RIMKLA: variants seen among roughly 807,000 people sequenced by gnomAD.
RIMKLA encodes the protein ribosomal modification protein rimK like family member A.
RIMKLA carries 14 observed loss-of-function variants against 32.7 expected under a neutral mutation model. The ratio of observed to expected loss-of-function variants is 0.43; its 90% CI spans 0.28 to 0.67. RIMKLA has a LOEUF of 0.67. RIMKLA is among the 30% of genes least tolerant of loss of function. RIMKLA has a pLI of 0.18. For synonymous variants in RIMKLA, 176 were observed against 204.1 expected, an observed-to-expected ratio of 0.86 and a Z score of 1.18; for missense variants, 410 against 519.0, an observed-to-expected ratio of 0.79 and a Z score of 2.04.
At position 42,416,330 on chromosome 1, in the gene RIMKLA, G is replaced by A. The variant is rs1041234147; in HGVS notation, c.*1356G>A. The A allele has an allele frequency of 6.6e-6, 1 of 152,052 alleles. No homozygotes were observed. The highest frequency in any genetic ancestry group is 1.5e-5 in the Non-Finnish European group (1 of 68,006). 9.4% of individuals were successfully genotyped at this position (152,052 alleles called of 1,614,324 possible). The stretch of plus-strand genomic sequence containing the variant: ...GTTGCATGTGCCAAGAACACTTAGG[G>A]TTCCCCTTTGGGATTACCTTTGAAG... On this transcript the variant is annotated 3_prime_UTR_variant, in exon 5 of 5. Coordinates refer to ENST00000431473, the MANE Select transcript of RIMKLA (RefSeq NM_173642.4).
chr1:42,400,929 T>C (rs1643091495), intron 2 of RIMKLA, among the ~76,000 whole-genome samples: 1 of 152,140 alleles, frequency 6.6e-6, no homozygotes, highest in Non-Finnish European at 1.5e-5. Flanking sequence ...GTTAAAATGG[T>C]ATATTTTATG....
At chr1:42,411,155 C>G (rs2148395119) in intron 4 of RIMKLA, among the ~76,000 whole-genome samples, 1 of 152,138 alleles carries the variant, frequency 6.6e-6, no homozygotes, top group Middle Eastern at 3.4e-3. Context: ...TAAAGTGAGA[C>G]CCCATCTCTA....
intron 3 of RIMKLA, among the ~76,000 whole-genome samples, chr1:42,407,033 G>A (rs1309068477): frequency 6.6e-6 from 1 of 151,872 alleles, no homozygotes; most frequent in Non-Finnish European, 1.5e-5. Context: ...AGCCTCCCAA[G>A]TAGCTGGGAC....
chr1:42,410,236 G>A (rs1570329385), intron 4 of RIMKLA, 49 bp downstream of exon 4: 1 of 1,494,882 alleles, frequency 6.7e-7, no homozygotes, highest in Non-Finnish European at 9.3e-7. Context: ...GACCCATTCA[G>A]CAAATGTATA....
chr1:42,414,378 G>T, intron 4 of RIMKLA, 106 bp from the exon 5 acceptor site: 2 of 1,181,502 alleles, frequency 1.7e-6, no homozygotes, highest in South Asian at 1.5e-5. Context: ...TGTGATTAAT[G>T]ATCGAGCCTC....
chr1:42,409,914 G>A (rs1385985893), intron 3 of RIMKLA, 70 bp from the exon 4 acceptor site: 5 of 1,196,344 alleles, frequency 4.2e-6, no homozygotes, highest in Non-Finnish European at 6.2e-6. Context: ...TATGGACAAG[G>A]AGGCCAGATG....
At chr1:42,402,937 T>G (rs1643113067) in intron 2 of RIMKLA, among the ~76,000 whole-genome samples, 1 of 152,100 alleles carries the variant, frequency 6.6e-6, no homozygotes, top group African/African-American at 2.4e-5. Context: ...GTGTTGGACT[T>G]CTAACTACAG....
At chr1:42,396,613 T>A (rs1372731146) in intron 1 of RIMKLA, 1 of 152,208 alleles carries the variant, frequency 6.6e-6, no homozygotes, top group East Asian at 1.9e-4. Context: ...TTTAGAAGTT[T>A]AACTGTTTGT....
chr1:42,418,427 AAGG>A lies in RIMKLA; in HGVS notation c.*3456_*3458del, dbSNP rs1364526644. On this transcript the variant is annotated 3_prime_UTR_variant, in exon 5 of 5. Transcript: ENST00000431473. The stretch of plus-strand genomic sequence containing the variant: ...TTTCAGGCCCATTGCTTCCAGCTAA[AAGG>A]AGATTCCATGACCATGGGGACCAGG... 3 of 152,346 alleles carry A rather than the reference AAGG, an allele frequency of 2.0e-5. No homozygotes were observed. Among genetic ancestry groups the A allele is most frequent in the African/African-American group, 7.2e-5 (3 of 41,582 alleles). The allele number at this position is 152,346 out of a possible 1,614,324, so 9.4% of individuals were successfully genotyped here. A position where few individuals can be genotyped will look rare whatever the true frequency, so the allele number is the denominator to read the frequency against.
At chr1:42,412,123 C>T (rs1643203736) in intron 4 of RIMKLA, among the ~76,000 whole-genome samples, 1 of 152,024 alleles carries the variant, frequency 6.6e-6, no homozygotes, top group Non-Finnish European at 1.5e-5. Flanking sequence ...GTTTTAAAAC[C>T]GTTTTATAGC....
At chr1:42,381,957 T>C (rs1041228263) in intron 1 of RIMKLA, among the ~76,000 whole-genome samples, 2 of 152,344 alleles carry the variant, frequency 1.3e-5, no homozygotes, top group Admixed American at 1.3e-4. Flanking sequence ...AGTCCAGGAC[T>C]CAAAAGGATT....
rs1009357798 is a variant in RIMKLA at position 42,420,740 on chromosome 1, C to A, written c.*5766C>A. The A allele has an allele frequency of 5.9e-5, 9 of 152,436 alleles. No homozygotes were observed. Among genetic ancestry groups the A allele is most frequent in the African/African-American group, 2.2e-4 (9 of 41,578 alleles). The allele number at this position is 152,436 out of a possible 1,614,324, so 9.4% of individuals were successfully genotyped here. A position where few individuals can be genotyped will look rare whatever the true frequency, so the allele number is the denominator to read the frequency against. On this transcript the variant is annotated 3_prime_UTR_variant, in exon 5 of 5. Coordinates refer to ENST00000431473, the MANE Select transcript of RIMKLA (RefSeq NM_173642.4). ...TTCACCACTCGTTGTCAGGGGTACA[C>A]CTTTTGGAAGGCAGCGTGGGCTAAT...
rs1489488925 is a variant in RIMKLA at position 42,420,165 on chromosome 1, T to C, written c.*5191T>C. The C allele has an allele frequency of 6.6e-6, 1 of 152,228 alleles. No individual in the cohort carries two copies. Among genetic ancestry groups the C allele is most frequent in the African/African-American group, 2.4e-5 (1 of 41,436 alleles). The allele number at this position is 152,228 out of a possible 1,614,324, so 9.4% of individuals were successfully genotyped here. On this transcript the variant is annotated 3_prime_UTR_variant, in exon 5 of 5. Coordinates refer to ENST00000431473, the MANE Select transcript of RIMKLA (RefSeq NM_173642.4). ...CTCTGTTTCTGAACCTCTAGATTTC[T>C]GTGATTTCTCAAAGACTTATATTTT...
chr1:42,390,097 G>A (rs1462998961), intron 1 of RIMKLA, among the ~76,000 whole-genome samples: 2 of 146,038 alleles, frequency 1.4e-5, no homozygotes, highest in Non-Finnish European at 3.0e-5. Context: ...GAATGCAGTG[G>A]TGCGATCTCA....
At chr1:42,396,798 A>T (rs887430137) in intron 1 of RIMKLA, among the ~76,000 whole-genome samples, 3 of 152,290 alleles carry the variant, frequency 2.0e-5, no homozygotes, top group East Asian at 3.9e-4. Flanking sequence ...TGCCTTACAT[A>T]TGTATAGCAT....
chr1:42,407,185 C>T (rs144604699), intron 3 of RIMKLA, among the ~76,000 whole-genome samples: 63 of 152,234 alleles, frequency 4.1e-4, no homozygotes, highest in African/African-American at 1.3e-3. Context: ...GGATTACAGG[C>T]GTGAGCCACT....
At position 42,380,832 on chromosome 1, in the gene RIMKLA, G is replaced by T. The variant is rs1457656677; in HGVS notation, c.-103G>T. The T allele has an allele frequency of 2.0e-5, 13 of 653,318 alleles. No individual in the cohort carries two copies. The highest frequency in any genetic ancestry group is 2.6e-5 in the Non-Finnish European group (13 of 504,946). 40.5% of individuals were successfully genotyped at this position (653,318 alleles called of 1,614,324 possible). ...GCACCCGCGGGAGCGGAGCCGTGGC[G>T]CGCTCGCCCCGGACGCCGGCCGCCC... On this transcript the variant is annotated 5_prime_UTR_variant, in exon 1 of 5. Transcript: ENST00000431473.
chr1:42,415,180 C>T lies in RIMKLA; in HGVS notation c.*206C>T, dbSNP rs528307517. The T allele has an allele frequency of 9.8e-5, 56 of 573,812 alleles. No individual in the cohort carries two copies. Among genetic ancestry groups the T allele is most frequent in the African/African-American group, 8.0e-4 (43 of 53,442 alleles). 35.5% of individuals were successfully genotyped at this position (573,812 alleles called of 1,614,324 possible). A position where few individuals can be genotyped will look rare whatever the true frequency, so the allele number is the denominator to read the frequency against. The stretch of plus-strand genomic sequence containing the variant: ...CAAATATAAAAACACTCAAGAACAA[C>T]GTCCCGACTGATCAGTATGAGACTG... On this transcript the variant is annotated 3_prime_UTR_variant, in exon 5 of 5. Coordinates refer to ENST00000431473, the MANE Select transcript of RIMKLA (RefSeq NM_173642.4).
intron 4 of RIMKLA, among the ~76,000 whole-genome samples, chr1:42,411,305 A>G (rs1643195192): frequency 6.6e-6 from 1 of 151,560 alleles, no homozygotes; most frequent in African/African-American, 2.4e-5. Context: ...ATAGCACTCC[A>G]GCCTGGGCAA....
Sources: gnomAD v4.1 joint callset for allele counts (sites outside exome capture counted in the v4.1 genomes callset) on GRCh38, gnomAD v4.1.1 for gene constraint, MANE v1.5 for transcripts, NCBI Gene and HGNC (gene_info 2026-07-23, HGNC 2026-07-21) for gene names.